The following MYCBP2 variants were observed in gnomAD, a reference collection of about 807,000 sequenced individuals.
MYCBP2 encodes MYC binding protein 2, also known as E3 ubiquitin-protein ligase MYCBP2.
A neutral mutation model predicts 525.3 loss-of-function variants in MYCBP2; 120 were observed. That is an observed-to-expected ratio of 0.23 (90% confidence interval 0.20 to 0.27). The LOEUF (loss-of-function observed/expected upper bound fraction) is 0.27. Among genes scored for constraint, MYCBP2 ranks in the 10% least tolerant of loss-of-function variants. The pLI is 1.00. For missense variants in MYCBP2, 4,149 were observed against 5,657.1 expected (o/e 0.73, Z 8.55); for synonymous variants, 1,894 against 1,955.8 (o/e 0.97, Z 0.83).
chr13:77,242,158 G>C (rs2068947960), intron 17 of MYCBP2, among the ~76,000 whole-genome samples: 2 of 152,238 alleles, frequency 1.3e-5, no homozygotes, highest in East Asian at 3.9e-4. Context: ...TCTGTCGCCA[G>C]GCTGGAGTGC....
intron 36 of MYCBP2, 32 bp from the exon 37 acceptor site, chr13:77,174,521 T>G (rs1259481722): frequency 1.3e-6 from 2 of 1,566,846 alleles, no homozygotes; most frequent in Middle Eastern, 3.3e-4. Context: ...CATCTTTTAT[T>G]CACAATGTAC....
At chr13:77,173,943 T>A (rs1199491327) in intron 37 of MYCBP2, among the ~76,000 whole-genome samples, 1 of 152,170 alleles carries the variant, frequency 6.6e-6, no homozygotes, top group African/African-American at 2.4e-5. Flanking sequence ...GCAACACCAC[T>A]ATCTGAGTAC....
At chr13:77,176,779 T>G in intron 35 of MYCBP2, 151 bp from the exon 36 acceptor site, 1 of 559,042 alleles carries the variant, frequency 1.8e-6, no homozygotes, top group Non-Finnish European at 2.7e-6. Context: ...AAGAAAAAGT[T>G]GGGGGTACTA....
At chr13:77,236,841 T>C (rs1040028781) in intron 17 of MYCBP2, among the ~76,000 whole-genome samples, 2 of 152,002 alleles carry the variant, frequency 1.3e-5, no homozygotes, top group Non-Finnish European at 2.9e-5. Flanking sequence ...GAGGCCAGCC[T>C]GGGCAACATA....
intron 30 of MYCBP2, among the ~76,000 whole-genome samples, chr13:77,188,584 C>T (rs1044190536): frequency 6.6e-6 from 1 of 152,202 alleles, no homozygotes; most frequent in African/African-American, 2.4e-5. Context: ...TGCAACTCTT[C>T]CACCTAGTTC....
chr13:77,186,412 A>G (rs1450891572), intron 30 of MYCBP2, among the ~76,000 whole-genome samples: 1 of 152,194 alleles, frequency 6.6e-6, no homozygotes, highest in Non-Finnish European at 1.5e-5. Context: ...CACTTATAAA[A>G]CAATGCATGT....
chr13:77,111,436 CTTTTT>C (rs779969571), intron 55 of MYCBP2, among the ~76,000 whole-genome samples: 2 of 137,134 alleles, frequency 1.5e-5, no homozygotes, highest in African/African-American at 5.3e-5. Flanking sequence ...ATGTCACTTC[CTTTTT>C]TTTTTTTTTT....
chr13:77,140,205 G>A, intron 50 of MYCBP2, 42 bp from the exon 51 acceptor site: 1 of 1,262,400 alleles, frequency 7.9e-7, no homozygotes, highest in Non-Finnish European at 1.1e-6. Context: ...GAAGAACATA[G>A]AATAGAGATC....
At chr13:77,237,320 A>C (rs2068063463) in intron 17 of MYCBP2, among the ~76,000 whole-genome samples, 1 of 152,190 alleles carries the variant, frequency 6.6e-6, no homozygotes, top group Admixed American at 6.5e-5. Context: ...TACTTTTGTA[A>C]ATAAACATAT....
intron 52 of MYCBP2, among the ~76,000 whole-genome samples, chr13:77,132,480 A>G (rs1202414234): frequency 6.6e-6 from 1 of 152,140 alleles, no homozygotes; most frequent in Admixed American, 6.6e-5. Context: ...GAAAATCAGT[A>G]TACTTTCTAT....
intron 26 of MYCBP2, among the ~76,000 whole-genome samples, chr13:77,203,293 C>G (rs2062853507): frequency 6.6e-6 from 1 of 151,990 alleles, no homozygotes; most frequent in South Asian, 2.1e-4. Flanking sequence ...CTCCCATTCA[C>G]AATTGCTTCA....
rs190705990 is a variant in MYCBP2, at chr13:77,288,850, C to T, written c.379-474G>A. ...CAAAAAAACACTTAATTTTCATCAG[C>T]TCATTTCATTCTCATTCAAGTAACA... On this transcript the variant is annotated intron_variant, in intron 2 of 82. Transcript: ENST00000544440. Among the ~76,000 whole-genome samples the T allele has an allele frequency of 1.2e-3, 178 of 152,268 alleles. 1 individual carries two copies. The highest frequency in any genetic ancestry group is 3.4e-3 in the Middle Eastern group (1 of 294).
chr13:77,210,033 G>T (rs1053933831), intron 23 of MYCBP2, among the ~76,000 whole-genome samples: 4 of 152,074 alleles, frequency 2.6e-5, no homozygotes, highest in African/African-American at 7.2e-5. Flanking sequence ...CAACTTACTG[G>T]AATCTTGCCT....
Position 77,077,440 on chromosome 13 carries a change from A to G in MYCBP2, c.11485-53T>C, listed in dbSNP as rs1254574988. The G allele has an allele frequency of 5.0e-6, 8 of 1,596,734 alleles. No individual in the cohort carries two copies. In the Admixed American group the frequency reaches 1.4e-4, roughly 27 times the overall value. Reference sequence around the variant, plus strand: ...CTGATTCAGCTGGATCACTTTTATCACTGTGCTGGACTTAGCATTGATACC... The same window carrying G: ...CTGATTCAGCTGGATCACTTTTATCGCTGTGCTGGACTTAGCATTGATACC... On this transcript the variant is annotated intron_variant, in intron 66 of 82. Transcript: ENST00000544440.
At chr13:77,145,189 C>T (rs2055331682) in intron 48 of MYCBP2, among the ~76,000 whole-genome samples, 1 of 152,146 alleles carries the variant, frequency 6.6e-6, no homozygotes, top group Admixed American at 6.6e-5. Flanking sequence ...CATTTCCTTA[C>T]AACTGCTGAT....
Position 77,068,598 on chromosome 13 carries a change from C to T in MYCBP2, c.12138G>A (p.Leu4046=), listed in dbSNP as rs1351880937. The T allele has an allele frequency of 6.2e-7, 1 of 1,614,114 alleles. No individual in the cohort carries two copies. The highest frequency in any genetic ancestry group is 8.5e-7 in the Non-Finnish European group (1 of 1,179,996). Residue 4046 remains leucine, a synonymous_variant, in exon 70 of 83, where the codon CTG becomes CTA. Coordinates refer to ENST00000544440, the MANE Select transcript of MYCBP2 (RefSeq NM_015057.5). ...QLTLLQDLFS[L]LHTASPRVQR... is the part of the protein sequence containing the mutation. ...GGACTCTAGGAGAGGCTGTGTGAAG[C>T]AGCGAGAAGAGATCCTGAAGCAGGG...
chr13:77,159,890 T>G (rs35722534), intron 44 of MYCBP2, among the ~76,000 whole-genome samples: 1 of 152,160 alleles, frequency 6.6e-6, no homozygotes, highest in Non-Finnish European at 1.5e-5. Flanking sequence ...ACACATATTG[T>G]TTATTATATA....
At chr13:77,072,011 G>A (rs1047159881) in intron 68 of MYCBP2, among the ~76,000 whole-genome samples, 6 of 152,076 alleles carry the variant, frequency 3.9e-5, no homozygotes, top group Non-Finnish European at 5.9e-5. Context: ...AAATGGGGCC[G>A]GATACAGTGG....
At chr13:77,143,827 C>T (rs1394406409) in intron 49 of MYCBP2, among the ~76,000 whole-genome samples, 1 of 152,172 alleles carries the variant, frequency 6.6e-6, no homozygotes, top group African/African-American at 2.4e-5. Flanking sequence ...TGTTACCCTA[C>T]TGAATACTGC....
Sources: allele counts gnomAD v4.1 joint callset (sites outside exome capture counted in the v4.1 genomes callset), GRCh38; gene constraint gnomAD v4.1.1; transcripts MANE v1.5; gene names NCBI Gene and HGNC (gene_info 2026-07-23, HGNC 2026-07-21).